The following FBXO5 variants were observed in gnomAD, a reference collection of about 807,000 sequenced individuals.
The protein encoded by FBXO5 is F-box only protein 5.
FBXO5 carries 8 observed loss-of-function variants against 43.3 expected under a neutral mutation model. That is an observed-to-expected ratio of 0.18 (90% CI 0.11 to 0.33). The LOEUF (loss-of-function observed/expected upper bound fraction) is 0.33, where lower values mean the gene tolerates loss of function less well. Among genes scored for constraint, FBXO5 ranks in the 10% least tolerant of loss-of-function variants. The probability of loss-of-function intolerance (pLI) is 1.00; values close to 1 mark genes in which losing one functional copy is unlikely to be tolerated. For synonymous variants in FBXO5, 204 were observed against 193.7 expected, an observed-to-expected ratio of 1.05 and a Z score of -0.44; for missense variants, 491 against 535.7, an observed-to-expected ratio of 0.92 and a Z score of 0.82.
chr6:152,982,788 A>T, intron 1 of FBXO5, 69 bp downstream of exon 1: 1 of 1,121,874 alleles, frequency 8.9e-7, no homozygotes, highest in Non-Finnish European at 1.2e-6. Flanking sequence ...TCAGGGTCTC[A>T]GGCTGCGACC....
intron 3 of FBXO5, chr6:152,972,782 A>C (rs542560345): frequency 1.6e-4 from 79 of 498,904 alleles, no homozygotes; most frequent in Non-Finnish European, 2.7e-4. Context: ...CTGGCAACTA[A>C]GATTGACTAA....
At chr6:152,973,196 T>C in intron 2 of FBXO5, 60 bp from the exon 3 acceptor site, 4 of 1,352,446 alleles carry the variant, frequency 3.0e-6, no homozygotes, top group Non-Finnish European at 4.2e-6. Context: ...CTAAGATGAA[T>C]ACAGTAGAAA....
intron 3 of FBXO5, 195 bp downstream of exon 3, chr6:152,972,851 T>C (rs1778107040): frequency 4.5e-6 from 2 of 444,114 alleles, no homozygotes; most frequent in Non-Finnish European, 7.7e-6. Context: ...GACATTCTAT[T>C]TCTAGGAAGA....
intron 2 of FBXO5, 128 bp downstream of exon 2, chr6:152,974,779 G>A: frequency 1.4e-6 from 1 of 702,310 alleles, no homozygotes; most frequent in Non-Finnish European, 2.3e-6. Flanking sequence ...AAATCCTTCT[G>A]GTACTAAGCA....
chr6:152,980,534 G>A (rs559061176), intron 1 of FBXO5, among the ~76,000 whole-genome samples: 2 of 152,264 alleles, frequency 1.3e-5, no homozygotes, highest in Admixed American at 1.3e-4. Flanking sequence ...GAGAAATTTG[G>A]TTTACATTTT....
chr6:152,972,892 C>A (rs1014397934), intron 3 of FBXO5, 154 bp downstream of exon 3: 9 of 472,726 alleles, frequency 1.9e-5, no homozygotes, highest in Admixed American at 1.5e-4. Context: ...GTTGAGATTT[C>A]TTTATTTTTG....
chr6:152,972,925 A>T, intron 3 of FBXO5, 121 bp downstream of exon 3: 3 of 611,996 alleles, frequency 4.9e-6, no homozygotes, highest in Non-Finnish European at 5.5e-6. Flanking sequence ...AAGTTCCAGT[A>T]TAAGGCTGAA....
At position 152,975,474 on chromosome 6, in the gene FBXO5, T is replaced by C; in HGVS notation, c.251A>G (p.Lys84Arg). 6.2e-7 allele frequency: 1 copy of C among 1,614,086 alleles called. No homozygotes were observed. The highest frequency in any genetic ancestry group is 8.5e-7 in the Non-Finnish European group (1 of 1,180,012). ...YTPAYLEGSC[K>R]DCIKDYERLS... The stretch of plus-strand genomic sequence containing the variant: ...CCTTTCATAGTCTTTAATGCAGTCT[T>C]TACAGGAACCTTCCAAATATGCAGG... Residue 84 changes from lysine (K) to arginine (R), a missense_variant, in exon 2 of 5, where the codon AAA (lysine) becomes AGA (arginine). Coordinates refer to ENST00000229758, the MANE Select transcript of FBXO5 (RefSeq NM_012177.5).
At position 152,970,894 on chromosome 6, in the gene FBXO5, T is replaced by A. The variant is rs183514560; in HGVS notation, c.*269A>T. The A allele has an allele frequency of 5.2e-3, 1,384 of 264,860 alleles. 6 individuals carry two copies. The highest frequency in any genetic ancestry group is 0.012 in the Admixed American group (245 of 20,446). 16.4% of individuals were successfully genotyped at this position (264,860 alleles called of 1,614,324 possible). ...CCATAAAATTGAATCAATTTTTTTT[T>A]ACCCTCAGTATCACTATCTACTTTT... On this transcript the variant is annotated 3_prime_UTR_variant, in exon 5 of 5. Coordinates refer to ENST00000229758, the MANE Select transcript of FBXO5 (RefSeq NM_012177.5).
At position 152,972,354 on chromosome 6, in the gene FBXO5, A is replaced by G. The variant is rs1778099142; in HGVS notation, c.1010T>C (p.Leu337Pro). The G allele has an allele frequency of 1.2e-6, 2 of 1,612,962 alleles. No homozygotes were observed. Among genetic ancestry groups the G allele is most frequent in the African/African-American group, 2.7e-5 (2 of 74,892 alleles). Residue 337 changes from leucine (L) to proline (P), a missense_variant, in exon 4 of 5, where the codon CTC becomes CCC. Transcript: ENST00000229758. Reference sequence around the variant, plus strand: ...TAACTTGGTTTGAGCATCTTTTTTGAGAGAAGTCTGGGCTGCTGATTTCTG... The same window carrying G: ...TAACTTGGTTTGAGCATCTTTTTTGGGAGAAGTCTGGGCTGCTGATTTCTG... ...SVQKSAAQTS[L>P]KKDAQTKLSN... is the part of the protein sequence containing the mutation.
chr6:152,982,297 G>C (rs933560064), intron 1 of FBXO5, among the ~76,000 whole-genome samples: 1 of 152,194 alleles, frequency 6.6e-6, no homozygotes, highest in Non-Finnish European at 1.5e-5. Context: ...GAGGAGGCGG[G>C]AGATAACCGC....
chr6:152,979,943 T>C lies in FBXO5; in HGVS notation c.103+2914A>G, dbSNP rs75476817. Among the ~76,000 whole-genome samples, 1,167 of 152,302 alleles carry C rather than the reference T, an allele frequency of 7.7e-3. 18 individuals carry two copies. The highest frequency in any genetic ancestry group is 0.027 in the African/African-American group (1,113 of 41,564). On this transcript the variant is annotated intron_variant, in intron 1 of 4. Coordinates refer to ENST00000229758, the MANE Select transcript of FBXO5 (RefSeq NM_012177.5). ...AAAAAGGTATTAAATGAGAGTGAAA[T>C]CTGGATGTTGGTTGTAGATTTAATT...
At chr6:152,977,437 T>C (rs1229940422) in intron 1 of FBXO5, among the ~76,000 whole-genome samples, 2 of 152,200 alleles carry the variant, frequency 1.3e-5, no homozygotes, top group African/African-American at 2.4e-5. Flanking sequence ...AAGTAACTTG[T>C]AGAGAGAAAC....
chr6:152,982,739 G>A (rs1472553454), intron 1 of FBXO5, 118 bp downstream of exon 1: 5 of 657,104 alleles, frequency 7.6e-6, no homozygotes, highest in Non-Finnish European at 9.2e-6. Flanking sequence ...GGCCGGGCGT[G>A]TGGCATGGCC....
intron 3 of FBXO5, 56 bp downstream of exon 3, chr6:152,972,990 C>A: frequency 1.4e-6 from 2 of 1,384,084 alleles, no homozygotes; most frequent in Non-Finnish European, 2.1e-6. Context: ...TTTTCTATTT[C>A]TAGAAGAGCA....
At position 152,971,419 on chromosome 6, in the gene FBXO5, A is replaced by G; in HGVS notation, c.1093-5T>C. ...CTTTTTCAATGTCTTGGCAACCTAA[A>G]AAGAAAAAAAAAACCCATTAACAAA... On this transcript the variant is annotated splice_polypyrimidine_tract_variant and splice_region_variant and intron_variant, in intron 4 of 4. Coordinates refer to ENST00000229758, the MANE Select transcript of FBXO5 (RefSeq NM_012177.5). The G allele has an allele frequency of 6.3e-7, 1 of 1,575,942 alleles. No individual in the cohort carries two copies. The highest frequency in any genetic ancestry group is 8.6e-7 in the Non-Finnish European group (1 of 1,168,706).
rs1472263173 is a variant in FBXO5 at position 152,970,737 on chromosome 6, AAT to A, written c.*424_*425del. ...GCTTTAGAAAGGTGACAACACATTT[AAT>A]AGACTCCAGAAGTTGATATTTCTGT... On this transcript the variant is annotated 3_prime_UTR_variant, in exon 5 of 5. Coordinates refer to ENST00000229758, the MANE Select transcript of FBXO5 (RefSeq NM_012177.5). 6.5e-6 allele frequency: 1 copy of A among 153,682 alleles called. No homozygotes were observed. The allele number at this position is 153,682 out of a possible 1,614,324, so 9.5% of individuals were successfully genotyped here. A position where few individuals can be genotyped will look rare whatever the true frequency, so the allele number is the denominator to read the frequency against.
At chr6:152,978,427 C>G (rs1277449667) in intron 1 of FBXO5, among the ~76,000 whole-genome samples, 1 of 129,964 alleles carries the variant, frequency 7.7e-6, no homozygotes, top group Non-Finnish European at 1.6e-5. Context: ...AAACTCTACT[C>G]TAAAGCACTA....
intron 2 of FBXO5, chr6:152,973,940 A>G (rs980403944): frequency 1.3e-5 from 2 of 151,948 alleles, no homozygotes; most frequent in African/African-American, 4.8e-5. Context: ...TCACACTTGC[A>G]AAGAGTACCT....
Sources: gnomAD v4.1 joint callset for allele counts (sites outside exome capture counted in the v4.1 genomes callset) on GRCh38, gnomAD v4.1.1 for gene constraint, MANE v1.5 for transcripts, NCBI Gene and HGNC (gene_info 2026-07-23, HGNC 2026-07-21) for gene names.